The following ANO1 variants were observed in gnomAD, a reference collection of about 807,000 sequenced individuals.
ANO1 encodes the protein anoctamin 1, also known as anoctamin-1.
ANO1 carries 59 observed loss-of-function variants against 124.0 expected under a neutral mutation model. The observed-to-expected ratio is 0.48, with a 90% confidence interval of 0.39 to 0.59. ANO1 has a LOEUF of 0.59. Among genes scored for constraint, ANO1 ranks in the 20% least tolerant of loss-of-function variants. The probability of loss-of-function intolerance (pLI) is 0.00; values close to 1 mark genes in which losing one functional copy is unlikely to be tolerated. For synonymous variants in ANO1, 529 were observed against 532.0 expected (o/e 0.99, Z 0.08); for missense variants, 1,059 against 1,328.0 (o/e 0.80, Z 3.15).
At chr11:69,970,489 G>A in the ANO1 span, among the ~76,000 whole-genome samples, 4 of 152,194 alleles carry the variant, frequency 2.6e-5, no homozygotes, top group East Asian at 3.9e-4. Flanking sequence ...ACCAGCACGC[G>A]GGAGGCAGGG....
At chr11:70,132,855 C>A (rs761738591) in intron 11 of ANO1, among the ~76,000 whole-genome samples, 6 of 152,246 alleles carry the variant, frequency 3.9e-5, no homozygotes, top group African/African-American at 1.4e-4. Flanking sequence ...CCAGGCCTGG[C>A]CCCACGCCGG....
chr11:70,185,478 C>T, intron 24 of ANO1, 112 bp from the exon 25 acceptor site: 4 of 924,024 alleles, frequency 4.3e-6, no homozygotes, highest in Non-Finnish European at 6.6e-6. Flanking sequence ...CTCCCGGAGG[C>T]AGCCGCACAC....
At chr11:70,074,931 C>T (rs2044040203), upstream of ANO1, 1 of 152,434 alleles carries the variant, frequency 6.6e-6, no homozygotes, top group East Asian at 1.9e-4. Flanking sequence ...CTGGCCTGGA[C>T]TCACCACCGC....
chr11:70,151,701 C>T (rs1384027275), intron 12 of ANO1, among the ~76,000 whole-genome samples: 9 of 152,172 alleles, frequency 5.9e-5, no homozygotes, highest in Admixed American at 5.9e-4. Flanking sequence ...GTGAGCCACT[C>T]GCACCCCCAG....
intron 16 of ANO1, among the ~76,000 whole-genome samples, chr11:70,160,558 G>C (rs1387727543): frequency 6.6e-6 from 1 of 152,120 alleles, no homozygotes; most frequent in Non-Finnish European, 1.5e-5. Context: ...CTGCTGGCTG[G>C]GAGAAGGGAC....
intron 2 of ANO1, among the ~76,000 whole-genome samples, chr11:70,094,483 C>G (rs927010760): frequency 1.6e-4 from 25 of 152,196 alleles, no homozygotes; most frequent in African/African-American, 5.8e-4. Context: ...CGGGCCTAAT[C>G]CCAGCTCATC....
At chr11:70,013,735 G>C (rs1555001433) in intron 1 of ANO1, among the ~76,000 whole-genome samples, 1 of 150,364 alleles carries the variant, frequency 6.7e-6, no homozygotes, top group Non-Finnish European at 1.5e-5. Flanking sequence ...TCGGGAAGCG[G>C]AGGTTGCCAT....
At chr11:70,139,615 C>T (rs561723057) in intron 11 of ANO1, among the ~76,000 whole-genome samples, 14 of 152,176 alleles carry the variant, frequency 9.2e-5, no homozygotes, top group East Asian at 3.9e-4. Context: ...TAAGCCACCA[C>T]GCCCGGCCTG....
chr11:70,086,285 G>C (rs1436879146), intron 1 of ANO1, among the ~76,000 whole-genome samples: 1 of 152,200 alleles, frequency 6.6e-6, no homozygotes, highest in African/African-American at 2.4e-5. Context: ...CGACCTGTCT[G>C]TCTTGATAAC....
At chr11:70,104,582 C>T (rs977738568) in intron 4 of ANO1, among the ~76,000 whole-genome samples, 6 of 152,198 alleles carry the variant, frequency 3.9e-5, no homozygotes, top group African/African-American at 1.4e-4. Flanking sequence ...GCCTGAGGCC[C>T]CAGGGACTCA....
At chr11:70,006,353 C>A (rs1856481669) in intron 1 of ANO1, among the ~76,000 whole-genome samples, 1 of 152,156 alleles carries the variant, frequency 6.6e-6, no homozygotes, top group Non-Finnish European at 1.5e-5. Context: ...TACAGCTCTT[C>A]CTTATCTGAA....
rs1856328385 is a variant in ANO1, at chr11:69,998,985, G to A, written c.58+12819G>A. Among the ~76,000 whole-genome samples the A allele has an allele frequency of 1.4e-5, 2 of 148,142 alleles. 1 individual carries two copies. Among genetic ancestry groups the A allele is most frequent in the Admixed American group, 1.4e-4 (2 of 14,646 alleles). On this transcript the variant is annotated intron_variant, in intron 1 of 27. Coordinates refer to the ANO1 transcript ENST00000531349. ...GGAATACCTGAGCCTGGTGAGCCAA[G>A]ATTGTACTACTGCACTCCAGCCTGG... is the stretch of plus-strand genomic sequence containing the variant.
intron 1 of ANO1, among the ~76,000 whole-genome samples, chr11:70,038,658 G>A (rs1555004704): frequency 6.6e-6 from 1 of 152,140 alleles, no homozygotes; most frequent in Non-Finnish European, 1.5e-5. Flanking sequence ...CTATTGCAGT[G>A]GCCCCCAGGG....
chr11:70,158,545 C>T (rs1261952361), intron 16 of ANO1, among the ~76,000 whole-genome samples: 1 of 152,248 alleles, frequency 6.6e-6, no homozygotes, highest in Non-Finnish European at 1.5e-5. Flanking sequence ...CTGTGGTCAC[C>T]ATGTAGTCAC....
rs1447005207 is a variant in ANO1, at chr11:70,157,035, G to A, written c.1578+14G>A. On this transcript the variant is annotated intron_variant, in intron 16 of 25. Transcript: ENST00000355303. Reference sequence around the variant, plus strand: ...ATCATCTTCATGGTAAGTTCCAGAAGGTTAAGGCCAGACGAAGTCAGGGGA... The same window carrying A: ...ATCATCTTCATGGTAAGTTCCAGAAAGTTAAGGCCAGACGAAGTCAGGGGA... The A allele has an allele frequency of 1.2e-6, 2 of 1,611,222 alleles. No homozygotes were observed. Among genetic ancestry groups the A allele is most frequent in the Admixed American group, 1.7e-5 (1 of 59,740 alleles).
chr11:70,169,565 G>A (rs533383295), intron 21 of ANO1, among the ~76,000 whole-genome samples: 1 of 151,720 alleles, frequency 6.6e-6, no homozygotes, highest in African/African-American at 2.4e-5. Flanking sequence ...CCACCCTGCT[G>A]AGTGACCCAC....
At chr11:70,100,840 A>G (rs997299146) in intron 2 of ANO1, among the ~76,000 whole-genome samples, 5 of 152,148 alleles carry the variant, frequency 3.3e-5, no homozygotes, top group African/African-American at 1.2e-4. Context: ...TACTATTACT[A>G]TTACTGTATT....
At chr11:69,988,406 A>G (rs1294793365) in intron 1 of ANO1, among the ~76,000 whole-genome samples, 6 of 152,172 alleles carry the variant, frequency 3.9e-5, no homozygotes, top group African/African-American at 1.4e-4. Flanking sequence ...CCTTATCTGT[A>G]AAGTCCGGAG....
chr11:70,003,380 G>T (rs868979529), intron 1 of ANO1, among the ~76,000 whole-genome samples: 7 of 152,180 alleles, frequency 4.6e-5, no homozygotes, highest in Non-Finnish European at 8.8e-5. Context: ...TGGTCCCACT[G>T]GTCTCAGGAC....
Sources: allele counts gnomAD v4.1 joint callset (sites outside exome capture counted in the v4.1 genomes callset), GRCh38; gene constraint gnomAD v4.1.1; transcripts MANE v1.5; gene names NCBI Gene and HGNC (gene_info 2026-07-23, HGNC 2026-07-21).